Variants in FGF14 observed in about 807,000 individuals in gnomAD.
FGF14 encodes fibroblast growth factor homologous factor 4.
In FGF14, 5 loss-of-function variants were observed where a neutral mutation model predicts 25.5. That is an observed-to-expected ratio of 0.20 (90% CI 0.10 to 0.41). The LOEUF (loss-of-function observed/expected upper bound fraction) is 0.41, where lower values mean the gene tolerates loss of function less well. FGF14 is among the 10% of genes least tolerant of loss of function. The pLI is 1.00. For missense variants in FGF14, 222 were observed against 320.1 expected, an observed-to-expected ratio of 0.69 and a Z score of 2.34; for synonymous variants, 138 against 118.3, an observed-to-expected ratio of 1.17 and a Z score of -1.08.
At chr13:101,876,969 A>G (rs1396526688) in intron 1 of FGF14, among the ~76,000 whole-genome samples, 1 of 152,208 alleles carries the variant, frequency 6.6e-6, no homozygotes. Context: ...AACATGAAAA[A>G]GAGAATTTTT....
chr13:102,120,304 G>A (rs916250440), intron 1 of FGF14, among the ~76,000 whole-genome samples: 11 of 152,172 alleles, frequency 7.2e-5, no homozygotes, highest in African/African-American at 2.7e-4. Context: ...AGGGAAAAAA[G>A]CAAAGAAAGT....
chr13:101,914,175 C>T (rs1017608903), intron 1 of FGF14, among the ~76,000 whole-genome samples: 3 of 150,240 alleles, frequency 2.0e-5, no homozygotes, highest in Admixed American at 1.3e-4. Flanking sequence ...AAAATATGTT[C>T]GACAATAAGA....
intron 1 of FGF14, among the ~76,000 whole-genome samples, chr13:102,118,880 T>C (rs1226076488): frequency 6.6e-6 from 1 of 152,178 alleles, no homozygotes; most frequent in Admixed American, 6.5e-5. Context: ...ATTCTTACTC[T>C]GAAAAAAATG....
intron 1 of FGF14, among the ~76,000 whole-genome samples, chr13:102,194,271 C>CT (rs549629724): frequency 6.6e-6 from 1 of 152,070 alleles, no homozygotes; most frequent in Admixed American, 6.5e-5. Context: ...TTATTTTTCT[C>CT]TTTTTTTAAT....
At chr13:102,313,553 C>T (rs1054111859) in intron 1 of FGF14, among the ~76,000 whole-genome samples, 5 of 151,846 alleles carry the variant, frequency 3.3e-5, no homozygotes, top group Admixed American at 3.3e-4. Context: ...AAACAAGATA[C>T]TCTTTGGGAA....
At chr13:102,033,353 G>A (rs928912391) in intron 1 of FGF14, among the ~76,000 whole-genome samples, 5 of 152,104 alleles carry the variant, frequency 3.3e-5, no homozygotes, top group Admixed American at 2.6e-4. Context: ...CATGAGAAGT[G>A]GTGGTTAAAA....
chr13:102,200,388 T>C (rs1309633574), intron 1 of FGF14, among the ~76,000 whole-genome samples: 1 of 152,216 alleles, frequency 6.6e-6, no homozygotes, highest in Non-Finnish European at 1.5e-5. Context: ...ACTACATTTT[T>C]TATTCCTAAA....
chr13:102,150,297 T>G (rs1386308857), intron 1 of FGF14, among the ~76,000 whole-genome samples: 70 of 47,296 alleles, frequency 1.5e-3, no homozygotes, highest in African/African-American at 9.2e-3. Context: ...GTTTTTAGGT[T>G]TTTTTTTTTT....
At chr13:102,252,480 T>C (rs1009688889) in intron 1 of FGF14, among the ~76,000 whole-genome samples, 32 of 152,314 alleles carry the variant, frequency 2.1e-4, no homozygotes, top group Middle Eastern at 3.4e-3. Context: ...GATGCCCAAA[T>C]CTGCAAATAC....
intron 3 of FGF14, among the ~76,000 whole-genome samples, chr13:101,826,304 G>C (rs2042391105): frequency 6.6e-6 from 1 of 151,964 alleles, no homozygotes; most frequent in Non-Finnish European, 1.5e-5. Context: ...GCTTTATCCT[G>C]AGGCACATTC....
chr13:102,228,014 T>C (rs1414327966), intron 1 of FGF14, among the ~76,000 whole-genome samples: 1 of 152,224 alleles, frequency 6.6e-6, no homozygotes, highest in Non-Finnish European at 1.5e-5. Flanking sequence ...TCTTCATTCC[T>C]CATTGAATAA....
chr13:102,144,896 A>T (rs1351916838), intron 1 of FGF14, among the ~76,000 whole-genome samples: 1 of 152,230 alleles, frequency 6.6e-6, no homozygotes, highest in Non-Finnish European at 1.5e-5. Flanking sequence ...CAGAAAAGGT[A>T]AATCATTTTA....
At chr13:101,746,513 A>G (rs1409660332) in intron 3 of FGF14, among the ~76,000 whole-genome samples, 1 of 152,018 alleles carries the variant, frequency 6.6e-6, no homozygotes, top group Admixed American at 6.6e-5. Flanking sequence ...TGCAATTTCA[A>G]TATGTTCATA....
chr13:101,851,662 C>A (rs1360405802), intron 3 of FGF14, among the ~76,000 whole-genome samples: 2 of 152,076 alleles, frequency 1.3e-5, no homozygotes, highest in African/African-American at 4.8e-5. Flanking sequence ...TCCTAGCTCG[C>A]CTTTCTCTCC....
At chr13:101,774,606 G>A (rs2038981047) in intron 3 of FGF14, among the ~76,000 whole-genome samples, 1 of 152,124 alleles carries the variant, frequency 6.6e-6, no homozygotes, top group Non-Finnish European at 1.5e-5. Flanking sequence ...GTCATCACTA[G>A]TGGAAATGTT....
intron 1 of FGF14, among the ~76,000 whole-genome samples, chr13:102,007,035 C>T (rs1026808889): frequency 9.9e-5 from 15 of 152,170 alleles, no homozygotes; most frequent in African/African-American, 2.9e-4. Context: ...TGAGCCACCG[C>T]GCCCGGCCAA....
intron 1 of FGF14, among the ~76,000 whole-genome samples, chr13:102,178,590 T>C (rs2048539992): frequency 6.6e-6 from 1 of 152,140 alleles, no homozygotes. Context: ...ATATTCTATG[T>C]CCACGTGTAC....
chr13:101,715,924 A>G lies in FGF14; in HGVS notation c.*6907T>C. ...TTTTTCCACCCAAAAGTCATTTGGCAACATCTACAGACAATTTTGATTGTC... is the reference window on the plus strand; with the variant it reads ...TTTTTCCACCCAAAAGTCATTTGGCGACATCTACAGACAATTTTGATTGTC... On this transcript the variant is annotated 3_prime_UTR_variant, in exon 5 of 5. Coordinates refer to ENST00000376143, the MANE Select transcript of FGF14 (RefSeq NM_004115.4). 2.7e-6 allele frequency: 1 copy of G among 367,910 alleles called. No individual in the cohort carries two copies. The highest frequency in any genetic ancestry group is 5.8e-5 in the East Asian group (1 of 17,378). The allele number at this position is 367,910 out of a possible 1,614,324, so 22.8% of individuals were successfully genotyped here.
At chr13:101,983,965 C>T (rs928979295) in intron 1 of FGF14, among the ~76,000 whole-genome samples, 1 of 152,116 alleles carries the variant, frequency 6.6e-6, no homozygotes, top group Non-Finnish European at 1.5e-5. Context: ...CACGCTTTCC[C>T]ATCTATACTT....
Sources: gnomAD v4.1 joint callset for allele counts (sites outside exome capture counted in the v4.1 genomes callset) on GRCh38, gnomAD v4.1.1 for gene constraint, MANE v1.5 for transcripts, NCBI Gene and HGNC (gene_info 2026-07-23, HGNC 2026-07-21) for gene names.